The following APBA2 variants were observed in gnomAD, a reference collection of about 807,000 sequenced individuals.
APBA2 encodes the protein amyloid-beta A4 precursor protein-binding family A member 2.
In APBA2, 30 loss-of-function variants were observed where a neutral mutation model predicts 75.0. That is an observed-to-expected ratio of 0.40 (90% CI 0.30 to 0.54). APBA2 has a LOEUF of 0.54. APBA2 is among the 20% of genes least tolerant of loss of function. The probability of loss-of-function intolerance (pLI) is 0.49; values close to 1 mark genes in which losing one functional copy is unlikely to be tolerated. For missense variants in APBA2, 801 were observed against 1,016.1 expected, an observed-to-expected ratio of 0.79 and a Z score of 2.88; for synonymous variants, 444 against 409.6, an observed-to-expected ratio of 1.08 and a Z score of -1.01.
chr15:28,902,484 C>T (rs981280114), intron 1 of APBA2, among the ~76,000 whole-genome samples: 5 of 152,134 alleles, frequency 3.3e-5, no homozygotes, highest in African/African-American at 9.7e-5. Context: ...TGAGGAGACG[C>T]GACAGCTGAA....
At chr15:29,012,147 C>T (rs1016122431) in intron 3 of APBA2, among the ~76,000 whole-genome samples, 2 of 152,170 alleles carry the variant, frequency 1.3e-5, no homozygotes, top group Non-Finnish European at 2.9e-5. Context: ...AACTGAAGTC[C>T]ATACTTCATT....
intron 6 of APBA2, among the ~76,000 whole-genome samples, chr15:29,079,012 T>C (rs2042973806): frequency 6.6e-6 from 1 of 152,172 alleles, no homozygotes; most frequent in African/African-American, 2.4e-5. Context: ...CTCTTTTTGA[T>C]AAACTGTATC....
At chr15:29,030,977 G>A (rs1354540168) in intron 3 of APBA2, among the ~76,000 whole-genome samples, 1 of 151,708 alleles carries the variant, frequency 6.6e-6, no homozygotes, top group African/African-American at 2.4e-5. Flanking sequence ...GATGCTCTTG[G>A]TGGATTATTT....
At chr15:28,903,679 C>G (rs978573962) in intron 1 of APBA2, among the ~76,000 whole-genome samples, 12 of 152,208 alleles carry the variant, frequency 7.9e-5, no homozygotes, top group African/African-American at 2.4e-4. Flanking sequence ...TGGGACCCCA[C>G]TGCCTCCCTA....
At chr15:29,036,631 C>T (rs1205243434) in intron 3 of APBA2, among the ~76,000 whole-genome samples, 1 of 152,202 alleles carries the variant, frequency 6.6e-6, no homozygotes, top group Non-Finnish European at 1.5e-5. Flanking sequence ...TGGCCAGAGG[C>T]CCAGCAGGTG....
intron 2 of APBA2, among the ~76,000 whole-genome samples, chr15:28,989,193 A>G (rs1227721542): frequency 1.3e-5 from 2 of 152,150 alleles, no homozygotes; most frequent in Non-Finnish European, 2.9e-5. Flanking sequence ...TACCATAAAT[A>G]TCTTTTTTCT....
chr15:29,084,112 G>A (rs113069585), intron 6 of APBA2, among the ~76,000 whole-genome samples: 1 of 152,082 alleles, frequency 6.6e-6, no homozygotes, highest in Non-Finnish European at 1.5e-5. Context: ...GAAAGCTATC[G>A]ATTTTTATAT....
chr15:29,008,852 C>T (rs2039261657), intron 3 of APBA2, among the ~76,000 whole-genome samples: 1 of 152,210 alleles, frequency 6.6e-6, no homozygotes, highest in Admixed American at 6.5e-5. Context: ...TTTCCATTCC[C>T]TCACCTCTCC....
intron 2 of APBA2, among the ~76,000 whole-genome samples, chr15:28,937,899 C>T (rs530842425): frequency 8.5e-5 from 13 of 152,252 alleles, no homozygotes; most frequent in South Asian, 8.3e-4. Context: ...CCTCGTGATC[C>T]GCCCACCTCG....
chr15:29,006,401 A>G (rs1008706692), intron 3 of APBA2, among the ~76,000 whole-genome samples: 11 of 152,268 alleles, frequency 7.2e-5, no homozygotes, highest in African/African-American at 2.7e-4. Flanking sequence ...GAGAGAAATT[A>G]AAGAAGACAC....
intron 6 of APBA2, among the ~76,000 whole-genome samples, chr15:29,083,013 G>C (rs2043147318): frequency 6.6e-6 from 1 of 152,014 alleles, no homozygotes; most frequent in African/African-American, 2.4e-5. Flanking sequence ...AGTGAGCCGA[G>C]ATCGTGCCAC....
intron 2 of APBA2, among the ~76,000 whole-genome samples, chr15:28,935,937 A>G (rs1467711175): frequency 6.6e-6 from 1 of 152,054 alleles, no homozygotes. Context: ...CTATTCCCAC[A>G]CCAGAGTGGT....
At chr15:28,908,518 G>T (rs1356240447) in intron 1 of APBA2, among the ~76,000 whole-genome samples, 1 of 151,938 alleles carries the variant, frequency 6.6e-6, no homozygotes, top group African/African-American at 2.4e-5. Context: ...CACCATGTTA[G>T]CCAGATGGTC....
chr15:28,966,727 C>T (rs1480742718), intron 2 of APBA2, among the ~76,000 whole-genome samples: 1 of 152,014 alleles, frequency 6.6e-6, no homozygotes, highest in African/African-American at 2.4e-5. Context: ...TTTTTTCCTT[C>T]TCTTTCTCAT....
intron 3 of APBA2, among the ~76,000 whole-genome samples, chr15:29,023,112 G>C (rs11070208): frequency 2.6e-5 from 4 of 151,930 alleles, no homozygotes; most frequent in Non-Finnish European, 5.9e-5. Context: ...TTTCTATAAA[G>C]ACAGGAATAT....
At chr15:28,929,254 T>C (rs888143167) in intron 2 of APBA2, among the ~76,000 whole-genome samples, 1 of 152,164 alleles carries the variant, frequency 6.6e-6, no homozygotes, top group African/African-American at 2.4e-5. Context: ...AGTGTTCCCT[T>C]GCGTCCTTGC....
chr15:29,096,877 G>T (rs533060406), intron 8 of APBA2, among the ~76,000 whole-genome samples: 1 of 152,222 alleles, frequency 6.6e-6, no homozygotes, highest in Non-Finnish European at 1.5e-5. Flanking sequence ...CATTGCCACC[G>T]TGCAGTGGTA....
intron 14 of APBA2, among the ~76,000 whole-genome samples, chr15:29,115,485 C>G (rs943306919): frequency 1.3e-5 from 2 of 152,102 alleles, no homozygotes; most frequent in Non-Finnish European, 2.9e-5. Context: ...CAAGTAGATG[C>G]TTTGAAGCGG....
chr15:29,025,778 C>A (rs1333845971), intron 3 of APBA2, among the ~76,000 whole-genome samples: 2 of 151,924 alleles, frequency 1.3e-5, no homozygotes, highest in Non-Finnish European at 2.9e-5. Context: ...GTGGTGAAAC[C>A]CCATCTCTGC....
Sources: gnomAD v4.1 joint callset for allele counts (sites outside exome capture counted in the v4.1 genomes callset) on GRCh38, gnomAD v4.1.1 for gene constraint, MANE v1.5 for transcripts, NCBI Gene and HGNC (gene_info 2026-07-23, HGNC 2026-07-21) for gene names.